The following PRKN variants were observed in gnomAD, a reference collection of about 807,000 sequenced individuals.
PRKN encodes the protein parkin RBR E3 ubiquitin protein ligase, also known as E3 ubiquitin-protein ligase parkin.
A neutral mutation model predicts 59.5 loss-of-function variants in PRKN; 56 were observed. The observed-to-expected ratio is 0.94, with a 90% CI of 0.76 to 1.18. The LOEUF (loss-of-function observed/expected upper bound fraction) is 1.18, where lower values mean the gene tolerates loss of function less well. Ranked by LOEUF, PRKN falls within the 50% of genes most tolerant of loss-of-function variation. PRKN has a pLI of 0.00. For missense variants in PRKN, 657 were observed against 596.4 expected, an observed-to-expected ratio of 1.10 and a Z score of -1.06; for synonymous variants, 250 against 222.1, an observed-to-expected ratio of 1.13 and a Z score of -1.12.
chr6:162,595,320 A>G (rs1407027794), intron 1 of PRKN, among the ~76,000 whole-genome samples: 10 of 151,164 alleles, frequency 6.6e-5, no homozygotes, highest in Admixed American at 6.6e-4. Context: ...CAGTGGTGCA[A>G]TCTTGGCTCA....
intron 3 of PRKN, among the ~76,000 whole-genome samples, chr6:162,256,408 T>C (rs544477151): frequency 2.6e-5 from 4 of 152,294 alleles, no homozygotes; most frequent in African/African-American, 7.2e-5. Flanking sequence ...TTTAGAAAGA[T>C]TGAAAAGAGT....
At chr6:162,646,183 A>C (rs1217203281) in intron 1 of PRKN, among the ~76,000 whole-genome samples, 1 of 151,930 alleles carries the variant, frequency 6.6e-6, no homozygotes, top group Non-Finnish European at 1.5e-5. Context: ...AAACTTTCTA[A>C]AGCAGATTCC....
At chr6:162,424,849 C>T (rs1180843990) in intron 2 of PRKN, among the ~76,000 whole-genome samples, 1 of 152,042 alleles carries the variant, frequency 6.6e-6, no homozygotes, top group African/African-American at 2.4e-5. Context: ...GAATTTTCCA[C>T]AATTTCCACA....
chr6:162,724,568 G>A (rs1353054317), intron 1 of PRKN, among the ~76,000 whole-genome samples: 1 of 152,182 alleles, frequency 6.6e-6, no homozygotes. Flanking sequence ...CAGTAAGGTT[G>A]AGGCGGGAAA....
At chr6:162,075,465 A>T (rs1293355806) in intron 4 of PRKN, among the ~76,000 whole-genome samples, 2 of 152,236 alleles carry the variant, frequency 1.3e-5, no homozygotes, top group East Asian at 3.9e-4. Context: ...GATCGCCTGC[A>T]TTTATTTTTA....
At chr6:161,979,605 A>G (rs539838996) in intron 5 of PRKN, among the ~76,000 whole-genome samples, 2 of 152,090 alleles carry the variant, frequency 1.3e-5, no homozygotes, top group Admixed American at 1.3e-4. Flanking sequence ...TAAATGGAAA[A>G]CCCAACAAAG....
chr6:162,708,094 T>G (rs569242997), intron 1 of PRKN, among the ~76,000 whole-genome samples: 3 of 152,214 alleles, frequency 2.0e-5, no homozygotes, highest in African/African-American at 7.2e-5. Context: ...TTTTCAAAAT[T>G]TATTTATGGC....
intron 9 of PRKN, among the ~76,000 whole-genome samples, chr6:161,507,703 GCA>G (rs1347733166): frequency 9.2e-5 from 14 of 152,116 alleles, no homozygotes; most frequent in African/African-American, 3.4e-4. Context: ...ATGGTACCAT[GCA>G]CAGTTGATAT....
intron 6 of PRKN, among the ~76,000 whole-genome samples, chr6:161,908,647 C>T (rs1562383007): frequency 2.1e-5 from 3 of 142,868 alleles, no homozygotes; most frequent in African/African-American, 5.3e-5. Flanking sequence ...ATCACAAAAT[C>T]AGTGAAGTTC....
intron 6 of PRKN, among the ~76,000 whole-genome samples, chr6:161,799,534 G>T (rs1413037514): frequency 1.3e-5 from 2 of 152,228 alleles, no homozygotes; most frequent in Non-Finnish European, 2.9e-5. Context: ...CCACATAATG[G>T]AAAGGAAAAG....
At chr6:162,442,658 T>A (rs1292110321) in intron 2 of PRKN, among the ~76,000 whole-genome samples, 1 of 152,142 alleles carries the variant, frequency 6.6e-6, no homozygotes, top group African/African-American at 2.4e-5. Flanking sequence ...GAGAGCATCG[T>A]TCACACTTAT....
chr6:162,228,905 A>T (rs893304487), intron 3 of PRKN, among the ~76,000 whole-genome samples: 1 of 152,110 alleles, frequency 6.6e-6, no homozygotes, highest in African/African-American at 2.4e-5. Flanking sequence ...GCCTAGCCAC[A>T]AGCTTCCACA....
chr6:161,680,417 G>C (rs1254035880), intron 7 of PRKN, among the ~76,000 whole-genome samples: 3 of 152,094 alleles, frequency 2.0e-5, no homozygotes, highest in Non-Finnish European at 2.9e-5. Flanking sequence ...GTGACATCCT[G>C]TGAATGGCCG....
At position 161,644,949 on chromosome 6, in the gene PRKN, G is replaced by A. The variant is rs207467553; in HGVS notation, c.872-75533C>T. On this transcript the variant is annotated intron_variant, in intron 7 of 11. Transcript: ENST00000366898. ...AAAACCAGACTGGAAGCAGAAGTAG[G>A]GGTAAGACCTAGAATCTGTCCTTGC... Among the ~76,000 whole-genome samples, 2 of 152,142 alleles carry A rather than the reference G, an allele frequency of 1.3e-5. 1 individual carries two copies. Among genetic ancestry groups the A allele is most frequent in the African/African-American group, 4.8e-5 (2 of 41,432 alleles).
At chr6:162,072,120 G>A (rs1165576033) in intron 4 of PRKN, among the ~76,000 whole-genome samples, 2 of 152,046 alleles carry the variant, frequency 1.3e-5, no homozygotes, top group Non-Finnish European at 2.9e-5. Flanking sequence ...TGCACGTCAG[G>A]AGGATAAAAG....
intron 7 of PRKN, among the ~76,000 whole-genome samples, chr6:161,599,243 A>G (rs1883874): frequency 0.52 from 78,438 of 151,968 alleles, 21,357 homozygotes; most frequent in East Asian, 0.65. Flanking sequence ...TGGCAGCCCT[A>G]GGAAACTAAT....
chr6:161,937,581 A>G (rs1000353924), intron 6 of PRKN, among the ~76,000 whole-genome samples: 1 of 152,210 alleles, frequency 6.6e-6, no homozygotes, highest in Non-Finnish European at 1.5e-5. Flanking sequence ...TCAAACAGTT[A>G]TCTCCTGGGC....
intron 6 of PRKN, among the ~76,000 whole-genome samples, chr6:161,925,515 G>T (rs967242332): frequency 6.6e-6 from 1 of 152,128 alleles, no homozygotes; most frequent in African/African-American, 2.4e-5. Flanking sequence ...AGGTTGCAGC[G>T]AGCTGAGATC....
At position 161,498,676 on chromosome 6, in the gene PRKN, G is replaced by C. The variant is rs960430; in HGVS notation, c.1083+50178C>G. The stretch of plus-strand genomic sequence containing the variant: ...ACCTGCCGACCCTGATGGAGAACGA[G>C]GTCACATCAGTCTCCCTGCCAACCC... On this transcript the variant is annotated intron_variant, in intron 9 of 11. Transcript: ENST00000366898. The surrounding 1 kb of genome is among the most constrained non-coding windows in gnomAD (Gnocchi z 4.2). Among the ~76,000 whole-genome samples the C allele has an allele frequency of 0.081, 12,287 of 152,146 alleles. 724 individuals are homozygous for C. The highest frequency in any genetic ancestry group is 0.16 in the African/African-American group (6,652 of 41,466).
Sources: allele counts gnomAD v4.1 joint callset (sites outside exome capture counted in the v4.1 genomes callset), GRCh38; gene constraint gnomAD v4.1.1; non-coding constraint Gnocchi (gnomAD v3.1); transcripts MANE v1.5; gene names NCBI Gene and HGNC (gene_info 2026-07-23, HGNC 2026-07-21).